The following HSPD1 variants were observed in gnomAD, a reference collection of about 807,000 sequenced individuals.
HSPD1 encodes heat shock protein family D (Hsp60) member 1, also known as 60 kDa heat shock protein, mitochondrial.
Under a neutral mutation model 53.0 loss-of-function variants are expected in HSPD1, and 3 were observed. The ratio of observed to expected loss-of-function variants is 0.06; its 90% CI spans 0.03 to 0.15. The LOEUF (loss-of-function observed/expected upper bound fraction) is 0.15. Ranked by LOEUF, HSPD1 falls within the 10% of genes least tolerant of loss-of-function variation. The pLI, the probability that HSPD1 is intolerant of heterozygous loss-of-function variation, is 1.00. For synonymous variants in HSPD1, 200 were observed against 228.0 expected, an observed-to-expected ratio of 0.88 and a Z score of 1.10; for missense variants, 431 against 694.1, an observed-to-expected ratio of 0.62 and a Z score of 4.26.
chr2:197,488,346 A>T lies in HSPD1; in HGVS notation c.1361T>A (p.Leu454Ter). 6.2e-7 allele frequency: 1 copy of T among 1,613,978 alleles called. No individual in the cohort carries two copies. Among genetic ancestry groups the T allele is most frequent in the South Asian group, 1.1e-5 (1 of 91,078 alleles). ...TTTTTGATCTTCATTAGCTGGAGTC[A>T]ATGAGTCCAAGGCTGGAATGCATCG... is the stretch of plus-strand genomic sequence containing the variant. ...LLRCIPALDS[L>*]TPANEDQKIG... is the part of the protein sequence containing the mutation. Residue 454 changes from leucine (L) to a stop codon, truncating the protein, a stop_gained, in exon 10 of 12, where the codon TTG becomes TAG. Transcript: ENST00000388968. LOFTEE classifies it high-confidence loss of function.
At position 197,489,209 on chromosome 2, in the gene HSPD1, G is replaced by A. The variant is rs780050389; in HGVS notation, c.1008C>T (p.Asp336=). The A allele has an allele frequency of 5.6e-6, 9 of 1,613,968 alleles. No individual in the cohort carries two copies. Among genetic ancestry groups the A allele is most frequent in the South Asian group, 3.3e-5 (3 of 91,088 alleles). ...CTTTTCCTAAGTCATGAGGCTGAAC[G>A]TCTTCAAGATTCAGGGTCAATCCCT... is the stretch of plus-strand genomic sequence containing the variant. ...GEEGLTLNLE[D]VQPHDLGKVG... is the part of the protein sequence containing the mutation. Residue 336 remains aspartate (D), a synonymous_variant, in exon 9 of 12, where the codon GAC becomes GAT. Coordinates refer to ENST00000388968, the MANE Select transcript of HSPD1 (RefSeq NM_002156.5).
rs142108846 is a variant in HSPD1, at chr2:197,493,461, A to C, written c.732T>G (p.Val244=). 776 of 1,612,768 alleles carry C rather than the reference A, an allele frequency of 4.8e-4. No homozygotes were observed. Among genetic ancestry groups the C allele is most frequent in the Non-Finnish European group, 6.4e-4 (757 of 1,178,840 alleles). Residue 244 remains valine, a synonymous_variant, in exon 7 of 12, where the codon GTT becomes GTG. Coordinates refer to ENST00000388968, the MANE Select transcript of HSPD1 (RefSeq NM_002156.5). The part of the protein sequence containing the change: ...GQKCEFQDAY[V]LLSEKKISSI... ...TAGAAATTTTCTTTTCACTCAACAG[A>C]ACATAGGCATCCTGGAATTCACATT...
chr2:197,494,882 G>T, intron 4 of HSPD1, 130 bp from the exon 5 acceptor site: 2 of 715,346 alleles, frequency 2.8e-6, no homozygotes, highest in Non-Finnish European at 5.2e-6. Context: ...TTTACGTTAT[G>T]GTAGTTTTCA....
rs2106075618 is a variant in HSPD1 at position 197,493,433 on chromosome 2, T to C, written c.760A>G (p.Ile254Val). The change falls in exon 7 of 12, where the codon ATC becomes GTC. Residue 254 changes from isoleucine (I) to valine (V), a missense_variant. Ile to Val is a conservative substitution (Grantham distance 29, BLOSUM62 3). Around this residue, in one of 2 missense-constraint regions of HSPD1, gnomAD observed 386 missense variants for 657.6 expected, o/e 0.59. Transcript: ENST00000388968. ...VLLSEKKISSIQSIVPALEIA... is the reference protein window; with the variant it reads ...VLLSEKKISSVQSIVPALEIA... ...TCAAGAGCAGGTACAATGGACTGGA[T>C]ACTAGAAATTTTCTTTTCACTCAAC... 5 of 1,613,010 alleles carry C rather than the reference T, an allele frequency of 3.1e-6. No homozygotes were observed. The highest frequency in any genetic ancestry group is 2.2e-5 in the East Asian group (1 of 44,872).
chr2:197,488,947 A>G (rs1384429531), intron 9 of HSPD1, 55 bp downstream of exon 9: 1 of 1,596,654 alleles, frequency 6.3e-7, no homozygotes, highest in African/African-American at 1.3e-5. Flanking sequence ...CTACAGAAGC[A>G]AAATCATTCT....
chr2:197,490,173 C>T, intron 8 of HSPD1, 24 bp downstream of exon 8: 1 of 1,456,172 alleles, frequency 6.9e-7, no homozygotes, highest in South Asian at 1.1e-5. Flanking sequence ...TTCAGCAAAC[C>T]ATTATCACAT....
chr2:197,497,818 C>A (rs1398611141), intron 2 of HSPD1, among the ~76,000 whole-genome samples: 3 of 152,188 alleles, frequency 2.0e-5, no homozygotes, highest in African/African-American at 7.2e-5. Context: ...TCCAGGTTCA[C>A]GCAACATAAA....
intron 3 of HSPD1, chr2:197,496,752 T>G (rs1422290067): frequency 3.6e-6 from 1 of 274,548 alleles, no homozygotes; most frequent in Non-Finnish European, 7.1e-6. Flanking sequence ...TCCAGTGTAT[T>G]TAGTCTTACT....
At position 197,498,819 on chromosome 2, in the gene HSPD1, C is replaced by T. The variant is rs774482203; in HGVS notation, c.30G>A (p.Gln10=). The T allele has an allele frequency of 1.2e-6, 2 of 1,614,218 alleles. No individual in the cohort carries two copies. The highest frequency in any genetic ancestry group is 1.3e-5 in the African/African-American group (1 of 75,060). The stretch of plus-strand genomic sequence containing the variant: ...CCAGTACCCTGGACACCGGTCTCAT[C>T]TGGCGAAAGACTGTGGGTAACCGAA... MLRLPTVFR[Q]MRPVSRVLAP... The change falls in exon 2 of 12, where the codon CAG becomes CAA. Residue 10 remains glutamine, a synonymous_variant. Transcript: ENST00000388968.
intron 5 of HSPD1, 149 bp downstream of exon 5, chr2:197,494,490 AGTACTTTATTCTATACAT>A: frequency 1.6e-6 from 1 of 637,024 alleles, no homozygotes; most frequent in South Asian, 1.9e-5. Context: ...AAACACAGTA[AGTACTTTATTCTATACAT>A]GTGCTGAGAC....
At chr2:197,488,144 T>A (rs1193911088) in intron 10 of HSPD1, 108 bp from the exon 11 acceptor site, 14 of 995,540 alleles carry the variant, frequency 1.4e-5, no homozygotes, top group Middle Eastern at 2.3e-4. Flanking sequence ...CTACTACAGA[T>A]CAAATCATTT....
At chr2:197,488,908 G>A (rs2086058165) in intron 9 of HSPD1, 94 bp downstream of exon 9, 16 of 1,285,406 alleles carry the variant, frequency 1.2e-5, no homozygotes, top group African/African-American at 4.4e-5. Context: ...TCAAGTATTC[G>A]TTTAGTTCTA....
At chr2:197,497,470 T>C (rs1242188105) in intron 2 of HSPD1, 78 bp from the exon 3 acceptor site, 12 of 1,395,346 alleles carry the variant, frequency 8.6e-6, no homozygotes, top group South Asian at 1.2e-5. Context: ...GTCTTCATAA[T>C]AAAGCAACTA....
In HSPD1 at chr2:197,490,227, A is replaced by G. The variant is rs1559301094; in HGVS notation, c.939T>C (p.Leu313=). Residue 313 remains leucine (L), a synonymous_variant, in exon 8 of 12, where the codon CTT becomes CTC. Transcript: ENST00000388968. Reference sequence around the variant, plus strand: ...CACCAGTAGCAATAGCCATATCTTTAAGCTGGTTCTTTCTATTGTCACCAA... The same window carrying G: ...CACCAGTAGCAATAGCCATATCTTTGAGCTGGTTCTTTCTATTGTCACCAA... ...PGFGDNRKNQ[L]KDMAIATGGA... 27 of 1,613,588 alleles carry G rather than the reference A, an allele frequency of 1.7e-5. No homozygotes were observed. Among genetic ancestry groups the G allele is most frequent in the Non-Finnish European group, 1.9e-5 (22 of 1,179,638 alleles).
Position 197,489,172 on chromosome 2 carries a change from T to C in HSPD1, c.1045A>G (p.Ile349Val). 6.2e-7 allele frequency: 1 copy of C among 1,614,180 alleles called. No individual in the cohort carries two copies. The highest frequency in any genetic ancestry group is 8.5e-7 in the Non-Finnish European group (1 of 1,179,988). ...PHDLGKVGEV[I>V]VTKDDAMLLK... The stretch of plus-strand genomic sequence containing the variant: ...AGCATGGCATCGTCTTTGGTCACAA[T>C]GACCTCTCCAACTTTTCCTAAGTCA... Residue 349 changes from isoleucine to valine, a missense_variant, in exon 9 of 12, where the codon ATT (isoleucine) becomes GTT (valine). Transcript: ENST00000388968.
At chr2:197,492,120 G>C (rs141384468) in intron 7 of HSPD1, among the ~76,000 whole-genome samples, 1 of 152,190 alleles carries the variant, frequency 6.6e-6, no homozygotes, top group Non-Finnish European at 1.5e-5. Flanking sequence ...TCGTGCCGCC[G>C]CAGGCCAGCC....
chr2:197,489,654 G>GT (rs1046278066), intron 8 of HSPD1, among the ~76,000 whole-genome samples: 4 of 152,092 alleles, frequency 2.6e-5, no homozygotes, highest in Non-Finnish European at 5.9e-5. Flanking sequence ...GAGTCCAGAA[G>GT]TTTGAGAAGC....
chr2:197,497,417 T>C, intron 2 of HSPD1, 25 bp from the exon 3 acceptor site: 8 of 1,610,432 alleles, frequency 5.0e-6, no homozygotes, highest in Non-Finnish European at 6.8e-6. Context: ...TGTAACAGGA[T>C]CAGACATACC....
intron 9 of HSPD1, 124 bp from the exon 10 acceptor site, chr2:197,488,615 T>C (rs2086054523): frequency 2.2e-6 from 2 of 897,090 alleles, no homozygotes; most frequent in Non-Finnish European, 1.9e-6. Context: ...ACACCTGTAA[T>C]CCTAGCACTT....
Sources: allele counts gnomAD v4.1 joint callset (sites outside exome capture counted in the v4.1 genomes callset), GRCh38; gene constraint gnomAD v4.1.1; regional missense constraint gnomAD v4.1.1; transcripts MANE v1.5; gene names NCBI Gene and HGNC (gene_info 2026-07-23, HGNC 2026-07-21).